COL24A1: variants seen among roughly 807,000 people sequenced by gnomAD.
COL24A1 encodes collagen type XXIV alpha 1 chain.
A neutral mutation model predicts 253.9 loss-of-function variants in COL24A1; 224 were observed. The observed-to-expected ratio is 0.88, with a 90% confidence interval of 0.79 to 0.99. The LOEUF is 0.99. Ranked by LOEUF, COL24A1 falls within the 50% of genes least tolerant of loss-of-function variation. COL24A1 has a pLI of 0.00. For synonymous variants in COL24A1, 685 were observed against 673.7 expected (o/e 1.02, Z -0.26); for missense variants, 2,131 against 2,068.5 (o/e 1.03, Z -0.59).
At chr1:86,106,918 A>C (rs1028611073) in intron 5 of COL24A1, among the ~76,000 whole-genome samples, 1 of 152,154 alleles carries the variant, frequency 6.6e-6, no homozygotes, top group African/African-American at 2.4e-5. Flanking sequence ...GTGGCACTTT[A>C]TATTTCTATT....
intron 3 of COL24A1, among the ~76,000 whole-genome samples, chr1:86,118,471 C>G (rs1367264341): frequency 6.6e-6 from 1 of 152,060 alleles, no homozygotes; most frequent in Non-Finnish European, 1.5e-5. Flanking sequence ...TTCAATAGTC[C>G]AATACTTCTA....
chr1:85,838,530 G>C (rs1676259272), intron 43 of COL24A1, 55 bp downstream of exon 43: 3 of 1,481,856 alleles, frequency 2.0e-6, no homozygotes, highest in Admixed American at 3.4e-5. Context: ...AAATGGAATA[G>C]AAACACAGAG....
At chr1:85,909,658 C>A (rs1571180253) in intron 26 of COL24A1, among the ~76,000 whole-genome samples, 1 of 151,804 alleles carries the variant, frequency 6.6e-6, no homozygotes, top group African/African-American at 2.4e-5. Flanking sequence ...AGAGAAATCA[C>A]AGTATGTAGA....
intron 37 of COL24A1, among the ~76,000 whole-genome samples, chr1:85,862,920 T>TGA (rs1679327812): frequency 6.6e-6 from 1 of 152,230 alleles, no homozygotes; most frequent in Non-Finnish European, 1.5e-5. Context: ...ATGGCCATTT[T>TGA]CATGATACTG....
intron 24 of COL24A1, among the ~76,000 whole-genome samples, chr1:85,945,716 G>A (rs1317844618): frequency 6.6e-6 from 1 of 150,442 alleles, no homozygotes; most frequent in Admixed American, 6.7e-5. Flanking sequence ...AGAGTGAGAT[G>A]AAGGGACCCA....
At chr1:85,976,432 C>T (rs1048793903) in intron 20 of COL24A1, among the ~76,000 whole-genome samples, 1 of 152,076 alleles carries the variant, frequency 6.6e-6, no homozygotes, top group Non-Finnish European at 1.5e-5. Context: ...GAACATAACC[C>T]CATTGGCCCA....
intron 47 of COL24A1, among the ~76,000 whole-genome samples, chr1:85,793,738 T>A (rs1440059774): frequency 1.3e-5 from 2 of 152,166 alleles, no homozygotes; most frequent in African/African-American, 4.8e-5. Context: ...CATGAGATGG[T>A]GCCATTTTAG....
intron 5 of COL24A1, among the ~76,000 whole-genome samples, chr1:86,094,239 T>C (rs1571896854): frequency 6.6e-6 from 1 of 152,130 alleles, no homozygotes. Context: ...GAAATCAACC[T>C]ATATGCCCAT....
chr1:86,108,620 T>TAAAAAAAAAAAAAAA (rs55852463), intron 5 of COL24A1, among the ~76,000 whole-genome samples: 14 of 83,098 alleles, frequency 1.7e-4, no homozygotes, highest in African/African-American at 6.2e-4. Flanking sequence ...CCATCTCTAC[T>TAAAAAAAAAAAAAAA]AAAAAAAAAA....
intron 47 of COL24A1, among the ~76,000 whole-genome samples, chr1:85,792,143 T>C (rs1299261489): frequency 6.6e-6 from 1 of 152,132 alleles, no homozygotes; most frequent in Non-Finnish European, 1.5e-5. Flanking sequence ...TTTATTCATA[T>C]TTATATGAAT....
At chr1:85,730,720 T>C (rs368672976) in intron 59 of COL24A1, 28 bp from the exon 60 acceptor site, 3 of 1,611,644 alleles carry the variant, frequency 1.9e-6, no homozygotes, top group Middle Eastern at 1.7e-4. Flanking sequence ...AATGCTTTCA[T>C]ACGCATTTCA....
intron 2 of COL24A1, among the ~76,000 whole-genome samples, chr1:86,132,832 T>C (rs1473451841): frequency 6.6e-6 from 1 of 152,158 alleles, no homozygotes; most frequent in Non-Finnish European, 1.5e-5. Context: ...TGGCTTAGGA[T>C]GGACTTGGCA....
At chr1:86,036,227 T>C (rs1039837623) in intron 12 of COL24A1, among the ~76,000 whole-genome samples, 2 of 151,990 alleles carry the variant, frequency 1.3e-5, no homozygotes, top group African/African-American at 4.8e-5. Context: ...CTTCAAGTGA[T>C]ACCTCCTGCC....
Position 85,915,687 on chromosome 1 carries a change from C to T in COL24A1, c.2563-4254G>A, listed in dbSNP as rs138824891. The stretch of plus-strand genomic sequence containing the variant: ...TTTTTGAGACAGAGTCTCGCTGTGT[C>T]GCCTGGGCTGGAGTGCAGTGGTATG... On this transcript the variant is annotated intron_variant, in intron 24 of 59. Transcript: ENST00000370571. Among the ~76,000 whole-genome samples, 342 of 152,240 alleles carry T rather than the reference C, an allele frequency of 2.2e-3. 5 individuals are homozygous for T. Among genetic ancestry groups the T allele is most frequent in the African/African-American group, 7.8e-3 (326 of 41,544 alleles).
chr1:85,787,263 G>A (rs1337116806), intron 47 of COL24A1, among the ~76,000 whole-genome samples: 1 of 151,654 alleles, frequency 6.6e-6, no homozygotes, highest in Non-Finnish European at 1.5e-5. Context: ...TTGTTATGTA[G>A]GTAAATGTGT....
intron 22 of COL24A1, among the ~76,000 whole-genome samples, chr1:85,968,946 T>A (rs1001936567): frequency 1.3e-5 from 2 of 152,180 alleles, no homozygotes; most frequent in Non-Finnish European, 2.9e-5. Flanking sequence ...TAAAATCTTA[T>A]TTTCACATCT....
At chr1:85,993,534 A>C (rs1694496158) in intron 19 of COL24A1, among the ~76,000 whole-genome samples, 1 of 152,076 alleles carries the variant, frequency 6.6e-6, no homozygotes, top group African/African-American at 2.4e-5. Context: ...GCAGATCAGA[A>C]GTAGCATGGA....
At chr1:85,851,024 C>CATAT (rs149854934) in intron 37 of COL24A1, among the ~76,000 whole-genome samples, 102 of 146,080 alleles carry the variant, frequency 7.0e-4, no homozygotes, top group East Asian at 5.2e-3. Flanking sequence ...TATATATCTA[C>CATAT]ATATATATAT....
intron 37 of COL24A1, among the ~76,000 whole-genome samples, chr1:85,866,489 G>A (rs1309859171): frequency 6.6e-6 from 1 of 151,674 alleles, no homozygotes; most frequent in African/African-American, 2.4e-5. Context: ...AGATAATTTT[G>A]GGAGCTGGGC....
Sources: gnomAD v4.1 joint callset for allele counts (sites outside exome capture counted in the v4.1 genomes callset) on GRCh38, gnomAD v4.1.1 for gene constraint, MANE v1.5 for transcripts, NCBI Gene and HGNC (gene_info 2026-07-23, HGNC 2026-07-21) for gene names.